The following NRXN3 variants were observed in gnomAD, a reference collection of about 807,000 sequenced individuals.
NRXN3 encodes the protein neurexin III.
Under a neutral mutation model 137.6 loss-of-function variants are expected in NRXN3, and 32 were observed. The observed-to-expected ratio is 0.23, with a 90% CI of 0.18 to 0.31. NRXN3 has a LOEUF of 0.31. Ranked by LOEUF, NRXN3 falls within the 10% of genes least tolerant of loss-of-function variation. NRXN3 has a pLI of 1.00. For synonymous variants in NRXN3, 798 were observed against 784.5 expected, an observed-to-expected ratio of 1.02 and a Z score of -0.29; for missense variants, 1,574 against 2,062.5, an observed-to-expected ratio of 0.76 and a Z score of 4.59.
intron 15 of NRXN3, among the ~76,000 whole-genome samples, chr14:79,392,683 A>G (rs1401181182): frequency 2.0e-5 from 3 of 152,168 alleles, no homozygotes; most frequent in Non-Finnish European, 2.9e-5. Context: ...TTAAAAAGTC[A>G]GGAAATGGCC....
At chr14:79,026,116 GA>G (rs1429018155) in intron 15 of NRXN3, among the ~76,000 whole-genome samples, 1 of 152,128 alleles carries the variant, frequency 6.6e-6, no homozygotes, top group African/African-American at 2.4e-5. Flanking sequence ...AGTAGGACTG[GA>G]AAAATGTGCT....
chr14:79,771,127 T>C (rs1489520594), intron 19 of NRXN3, among the ~76,000 whole-genome samples: 1 of 152,198 alleles, frequency 6.6e-6, no homozygotes, highest in African/African-American at 2.4e-5. Flanking sequence ...ATTGTGGCAA[T>C]AATCAATAGC....
intron 8 of NRXN3, among the ~76,000 whole-genome samples, chr14:78,759,112 G>T (rs1042323171): frequency 1.3e-5 from 2 of 152,090 alleles, no homozygotes; most frequent in South Asian, 2.1e-4. Flanking sequence ...CTCATCCTCC[G>T]GACCAGATGT....
intron 7 of NRXN3, among the ~76,000 whole-genome samples, chr14:78,713,959 T>C (rs1422965297): frequency 6.6e-6 from 1 of 152,218 alleles, no homozygotes; most frequent in Admixed American, 6.5e-5. Context: ...CATTTATTTT[T>C]TGTCCCTCTG....
intron 10 of NRXN3, among the ~76,000 whole-genome samples, chr14:78,839,434 T>G (rs939235533): frequency 2.6e-5 from 4 of 152,202 alleles, no homozygotes; most frequent in Admixed American, 1.3e-4. Flanking sequence ...CTCATGTACT[T>G]TCCTCTTGAT....
At chr14:79,364,324 GT>G (rs2093795709) in intron 15 of NRXN3, among the ~76,000 whole-genome samples, 1 of 152,188 alleles carries the variant, frequency 6.6e-6, no homozygotes, top group African/African-American at 2.4e-5. Context: ...TGGAAACCTT[GT>G]GTTCAGCCTT....
At chr14:79,259,343 C>T (rs1024423289) in intron 15 of NRXN3, among the ~76,000 whole-genome samples, 1 of 151,682 alleles carries the variant, frequency 6.6e-6, no homozygotes, top group Admixed American at 6.6e-5. Flanking sequence ...GCTTTTTTTT[C>T]CTACCTTCTG....
chr14:79,110,085 C>T (rs942000338), intron 15 of NRXN3, among the ~76,000 whole-genome samples: 1 of 152,100 alleles, frequency 6.6e-6, no homozygotes, highest in Non-Finnish European at 1.5e-5. Context: ...GAATACCATA[C>T]TTGTCATAGA....
intron 15 of NRXN3, among the ~76,000 whole-genome samples, chr14:79,096,660 A>T (rs995630363): frequency 1.3e-5 from 2 of 151,794 alleles, no homozygotes; most frequent in African/African-American, 4.8e-5. Context: ...GGCTCTCACC[A>T]GCATTCTCTG....
At chr14:78,277,656 C>T (rs2073798840) in intron 2 of NRXN3, among the ~76,000 whole-genome samples, 1 of 152,154 alleles carries the variant, frequency 6.6e-6, no homozygotes, top group African/African-American at 2.4e-5. Context: ...CTGAAGCAGC[C>T]CCTTGTTCCT....
At chr14:79,540,024 A>G (rs1363547417) in intron 16 of NRXN3, among the ~76,000 whole-genome samples, 1 of 152,184 alleles carries the variant, frequency 6.6e-6, no homozygotes, top group Non-Finnish European at 1.5e-5. Context: ...TGAGAAGGAG[A>G]GGGAAAAAAT....
intron 16 of NRXN3, among the ~76,000 whole-genome samples, chr14:79,500,429 C>T (rs1215049724): frequency 1.3e-5 from 2 of 152,126 alleles, no homozygotes; most frequent in Non-Finnish European, 2.9e-5. Context: ...GAATACTTTT[C>T]ATTAGCCCAA....
chr14:78,433,649 T>C (rs1341601398), intron 4 of NRXN3, among the ~76,000 whole-genome samples: 1 of 152,154 alleles, frequency 6.6e-6, no homozygotes, highest in Admixed American at 6.5e-5. Flanking sequence ...CCTTCCCTTT[T>C]CTTGCGTGCA....
intron 17 of NRXN3, among the ~76,000 whole-genome samples, chr14:79,680,257 C>T (rs758391487): frequency 5.3e-5 from 8 of 151,978 alleles, no homozygotes; most frequent in Non-Finnish European, 1.2e-4. Flanking sequence ...TGCCTATAGT[C>T]GCAGCTATTT....
intron 6 of NRXN3, among the ~76,000 whole-genome samples, chr14:78,662,996 T>C (rs77748374): frequency 0.096 from 14,597 of 152,326 alleles, 930 homozygotes; most frequent in Middle Eastern, 0.17. Context: ...CATGGTGCTA[T>C]GTACTTCAGA....
intron 4 of NRXN3, among the ~76,000 whole-genome samples, chr14:78,501,755 C>G (rs1032843947): frequency 1.3e-5 from 2 of 152,060 alleles, no homozygotes; most frequent in African/African-American, 4.8e-5. Flanking sequence ...AGCTGTCCAC[C>G]CTTTTTATAT....
intron 16 of NRXN3, among the ~76,000 whole-genome samples, chr14:79,494,026 T>C (rs191466304): frequency 6.6e-6 from 1 of 152,310 alleles, no homozygotes; most frequent in South Asian, 2.1e-4. Context: ...AGGTGTTCCA[T>C]CAATGTTTCT....
intron 4 of NRXN3, among the ~76,000 whole-genome samples, chr14:78,407,004 G>A (rs1207148200): frequency 6.6e-6 from 1 of 152,102 alleles, no homozygotes; most frequent in African/African-American, 2.4e-5. Context: ...GATAAAGCAG[G>A]GTACAAGGAG....
Position 79,132,476 on chromosome 14 carries a change from T to A in NRXN3, c.3262+144335T>A, listed in dbSNP as rs1347908009. 5.3e-5 allele frequency among the ~76,000 whole-genome samples: 8 copies of A among 152,344 alleles called. No homozygotes were observed. In the East Asian group the frequency reaches 1.5e-3, roughly 29 times the overall value. ...TTGATCACATTTTGAAGTAATATTT[T>A]GAATATATTGGGTTAAGTTAAATAT... On this transcript the variant is annotated intron_variant, in intron 15 of 20. Transcript: ENST00000335750.
Sources: allele counts gnomAD v4.1 joint callset (sites outside exome capture counted in the v4.1 genomes callset), GRCh38; gene constraint gnomAD v4.1.1; transcripts MANE v1.5; gene names NCBI Gene and HGNC (gene_info 2026-07-23, HGNC 2026-07-21).